Variants in APC observed in about 807,000 individuals in gnomAD.
The protein encoded by APC is APC regulator of Wnt signaling pathway, also known as adenomatous polyposis coli protein.
In APC, 72 loss-of-function variants were observed where a neutral mutation model predicts 247.0. That is an observed-to-expected ratio of 0.29 (90% CI 0.24 to 0.35). The LOEUF (loss-of-function observed/expected upper bound fraction) is 0.35, where lower values mean the gene tolerates loss of function less well. APC is among the 10% of genes least tolerant of loss of function. The probability of loss-of-function intolerance (pLI) is 1.00; values close to 1 mark genes in which losing one functional copy is unlikely to be tolerated. For missense variants in APC, 3,400 were observed against 3,360.7 expected, an observed-to-expected ratio of 1.01 and a Z score of -0.29; for synonymous variants, 1,254 against 1,162.5, an observed-to-expected ratio of 1.08 and a Z score of -1.60.
intron 1 of APC, among the ~76,000 whole-genome samples, chr5:112,721,049 A>T (rs1369395891): frequency 3.9e-5 from 6 of 152,186 alleles, no homozygotes; most frequent in African/African-American, 9.7e-5. Context: ...GAACACAGTA[A>T]GTAAGGTGAG....
intron 12 of APC, among the ~76,000 whole-genome samples, chr5:112,827,540 A>AT (rs1763827207): frequency 2.2e-5 from 2 of 92,312 alleles, no homozygotes; most frequent in South Asian, 9.5e-4. Flanking sequence ...TTACTAGAGA[A>AT]GTTTAACTGT....
intron 2 of APC, 183 bp downstream of exon 2, chr5:112,755,208 A>G (rs1193203546): frequency 1.3e-5 from 6 of 460,846 alleles, no homozygotes; most frequent in Non-Finnish European, 1.7e-5. Context: ...CATTCAGTGA[A>G]TCATATAAAG....
intron 1 of APC, among the ~76,000 whole-genome samples, chr5:112,743,061 T>C (rs1386872206): frequency 6.6e-6 from 1 of 152,214 alleles, no homozygotes; most frequent in Non-Finnish European, 1.5e-5. Flanking sequence ...CTGCGTCTCC[T>C]CTAGAGATTC....
exon 1 of APC, chr5:112,707,608 C>A: frequency 8.2e-7 from 1 of 1,212,958 alleles, no homozygotes. Flanking sequence ...CGGGCTCAGG[C>A]CCGGGAGCTG....
chr5:112,780,738 TGA>T, intron 5 of APC, 50 bp from the exon 6 acceptor site: 1 of 1,310,124 alleles, frequency 7.6e-7, no homozygotes, highest in Non-Finnish European at 1.1e-6. Flanking sequence ...TTGCTTTTAC[TGA>T]TTAACGTAAA....
Position 112,817,110 on chromosome 5 carries a change from T to C in APC, c.933+1517T>C, listed in dbSNP as rs560746997. On this transcript the variant is annotated intron_variant, in intron 9 of 15. Coordinates refer to ENST00000257430, the MANE Select transcript of APC (RefSeq NM_000038.6). ...GTCTCGAACTCCTGATCTCAGGTGA[T>C]GCGCTCATCTCTGCCTCCCAAAGTG... is the stretch of plus-strand genomic sequence containing the variant. 8.5e-5 allele frequency among the ~76,000 whole-genome samples: 13 copies of C among 152,250 alleles called. No individual in the cohort carries two copies. In the South Asian group the frequency reaches 2.7e-3, roughly 32 times the overall value.
At chr5:112,829,683 T>A (rs1205258247) in intron 14 of APC, 4 of 152,342 alleles carry the variant, frequency 2.6e-5, no homozygotes, top group African/African-American at 9.7e-5. Flanking sequence ...ACCCTCCCCC[T>A]AGTTATGCCG....
intron 1 of APC, among the ~76,000 whole-genome samples, chr5:112,718,548 G>T (rs992317534): frequency 6.6e-6 from 1 of 152,306 alleles, no homozygotes; most frequent in South Asian, 2.1e-4. Context: ...CCCTGTGCCT[G>T]CAATGCAGGC....
chr5:112,725,267 C>A (rs938292543), intron 1 of APC, among the ~76,000 whole-genome samples: 8 of 152,070 alleles, frequency 5.3e-5, no homozygotes, highest in African/African-American at 1.9e-4. Context: ...GCCACTGCAC[C>A]CAACCAGATT....
intron 7 of APC, among the ~76,000 whole-genome samples, chr5:112,797,281 GGT>G (rs1467620647): frequency 2.0e-5 from 3 of 152,084 alleles, no homozygotes; most frequent in African/African-American, 7.2e-5. Context: ...TGCCGTTTGT[GGT>G]TTGTTTATTG....
chr5:112,838,321 C>G lies in APC; in HGVS notation c.2727C>G (p.Thr909=), dbSNP rs1561579256. The G allele has an allele frequency of 6.2e-7, 1 of 1,614,178 alleles. No individual in the cohort carries two copies. The highest frequency in any genetic ancestry group is 8.5e-7 in the Non-Finnish European group (1 of 1,180,022). Reference sequence around the variant, plus strand: ...AGGAAGACAGAAGTTCTGGGTCTACCACTGAATTACATTGTGTGACAGATG... The same window carrying G: ...AGGAAGACAGAAGTTCTGGGTCTACGACTGAATTACATTGTGTGACAGATG... ...TSQEDRSSGS[T]TELHCVTDER... is the part of the protein sequence containing the mutation. Residue 909 remains threonine, a synonymous_variant, in exon 16 of 16, where the codon ACC becomes ACG. Transcript: ENST00000257430.
intron 12 of APC, 69 bp from the exon 13 acceptor site, chr5:112,827,860 G>T: frequency 7.8e-7 from 1 of 1,289,618 alleles, no homozygotes; most frequent in South Asian, 1.2e-5. Context: ...TAGACATTTA[G>T]TAGCCAAAAA....
At chr5:112,715,239 G>T (rs1751091251) in intron 1 of APC, among the ~76,000 whole-genome samples, 1 of 152,192 alleles carries the variant, frequency 6.6e-6, no homozygotes, top group South Asian at 2.1e-4. Flanking sequence ...TAGGCAGATA[G>T]TGTGGCAACA....
chr5:112,792,703 T>A (rs1028577562), intron 7 of APC, among the ~76,000 whole-genome samples, 174 bp downstream of exon 7: 2 of 152,230 alleles, frequency 1.3e-5, no homozygotes, highest in African/African-American at 4.8e-5. Flanking sequence ...CTATTTTGAT[T>A]TTATCTAACT....
rs189677445 is a variant in APC at position 112,781,211 on chromosome 5, T to C, written c.645+308T>C. The stretch of plus-strand genomic sequence containing the variant: ...TTCAGTTCTCCTTTGAAATTTTTAC[T>C]TCTTGTAATCTTAGACTGTATAAAG... On this transcript the variant is annotated intron_variant, in intron 6 of 15. Coordinates refer to ENST00000257430, the MANE Select transcript of APC (RefSeq NM_000038.6). 2.1e-3 allele frequency among the ~76,000 whole-genome samples: 318 copies of C among 152,312 alleles called. 10 individuals carry two copies. Among genetic ancestry groups the C allele is most frequent in the Admixed American group, 0.021 (314 of 15,294 alleles).
rs2149913608 is a variant in APC, at chr5:112,839,987, A to T, written c.4393A>T (p.Ser1465Cys). Residue 1465 changes from serine to cysteine, a missense_variant, in exon 16 of 16, where the codon AGT becomes TGT. Around this residue, in one of 9 missense-constraint regions of APC, gnomAD observed 1,788 missense variants for 1,649.5 expected, o/e 1.08. Transcript: ENST00000257430. The surrounding 1 kb of genome is among the most constrained non-coding windows in gnomAD (Gnocchi z 5.0). ...NKAPTAEKRE[S>C]GPKQAAVNAA... Reference sequence around the variant, plus strand: ...AGCACCTACTGCTGAAAAGAGAGAGAGTGGACCTAAGCAAGCTGCAGTAAA... The same window carrying T: ...AGCACCTACTGCTGAAAAGAGAGAGTGTGGACCTAAGCAAGCTGCAGTAAA... 6.2e-7 allele frequency: 1 copy of T among 1,614,148 alleles called. No homozygotes were observed. The highest frequency in any genetic ancestry group is 8.5e-7 in the Non-Finnish European group (1 of 1,180,022).
At chr5:112,829,548 A>C (rs1764100361) in intron 14 of APC, 1 of 155,414 alleles carries the variant, frequency 6.4e-6, no homozygotes, top group Non-Finnish European at 1.4e-5. Flanking sequence ...AATGTATATC[A>C]GGGTTTCTCT....
chr5:112,725,438 T>G (rs1751723048), intron 1 of APC, among the ~76,000 whole-genome samples: 1 of 152,076 alleles, frequency 6.6e-6, no homozygotes, highest in Non-Finnish European at 1.5e-5. Flanking sequence ...CAGAATAGTG[T>G]TAGAAACAAA....
At chr5:112,746,282 A>G (rs1581093200) in intron 1 of APC, among the ~76,000 whole-genome samples, 1 of 152,164 alleles carries the variant, frequency 6.6e-6, no homozygotes, top group Non-Finnish European at 1.5e-5. Flanking sequence ...AGTATCCGTC[A>G]CTTTGATAAG....
Sources: allele counts gnomAD v4.1 joint callset (sites outside exome capture counted in the v4.1 genomes callset), GRCh38; gene constraint gnomAD v4.1.1; regional missense constraint gnomAD v4.1.1; non-coding constraint Gnocchi (gnomAD v3.1); transcripts MANE v1.5; gene names NCBI Gene and HGNC (gene_info 2026-07-23, HGNC 2026-07-21).